The following DST variants were observed in gnomAD, a reference collection of about 807,000 sequenced individuals.
DST encodes dystonin.
In DST, 253 loss-of-function variants were observed where a neutral mutation model predicts 875.2. The ratio of observed to expected loss-of-function variants is 0.29; its 90% CI spans 0.26 to 0.32. The LOEUF is 0.32. Ranked by LOEUF, DST falls within the 10% of genes least tolerant of loss-of-function variation. The pLI is 1.00. For missense variants in DST, 8,287 were observed against 9,111.6 expected (o/e 0.91, Z 3.68); for synonymous variants, 3,124 against 3,197.1 (o/e 0.98, Z 0.77).
At chr6:56,535,554 T>C (rs1216608183) in intron 62 of DST, among the ~76,000 whole-genome samples, 3 of 152,238 alleles carry the variant, frequency 2.0e-5, no homozygotes, top group African/African-American at 7.2e-5. Context: ...GATTGTCTAA[T>C]ACGTTTTATG....
chr6:56,926,734 C>A (rs1362723399), intron 2 of DST, among the ~76,000 whole-genome samples: 1 of 150,038 alleles, frequency 6.7e-6, no homozygotes, highest in Non-Finnish European at 1.5e-5. Context: ...TGAAGGCTCT[C>A]TAAGGTTCCT....
rs201773751 is a variant in DST at position 56,647,645 on chromosome 6, T to TA, written c.1554+924dup. On this transcript the variant is annotated intron_variant, in intron 13 of 103. Transcript: ENST00000680361. ...AACCAAATATACAAATGAGACAACTTACTCTTTAATAAGTTTACATATTTG... is the reference window on the plus strand; with the variant it reads ...AACCAAATATACAAATGAGACAACTTAACTCTTTAATAAGTTTACATATTTG... 4.1e-3 allele frequency among the ~76,000 whole-genome samples: 623 copies of TA among 151,552 alleles called. 4 individuals are homozygous for TA. The highest frequency in any genetic ancestry group is 0.015 in the African/African-American group (598 of 40,908).
intron 4 of DST, among the ~76,000 whole-genome samples, chr6:56,796,388 G>T (rs146577988): frequency 5.9e-5 from 9 of 152,202 alleles, no homozygotes; most frequent in Admixed American, 5.9e-4. Context: ...AATGAATGTG[G>T]TAACTACATT....
chr6:56,461,099 G>A (rs2094306591), intron 102 of DST: 1 of 152,044 alleles, frequency 6.6e-6, no homozygotes, highest in African/African-American at 2.4e-5. Flanking sequence ...ACTATTTGGA[G>A]GAAATGCATT....
chr6:56,622,422 A>G (rs552721340), intron 36 of DST, among the ~76,000 whole-genome samples: 1 of 152,082 alleles, frequency 6.6e-6, no homozygotes, highest in East Asian at 1.9e-4. Flanking sequence ...TAGAAAAATT[A>G]GCCCGGCGTG....
intron 4 of DST, chr6:56,742,174 C>T: frequency 1.4e-6 from 1 of 714,378 alleles, no homozygotes; most frequent in Non-Finnish European, 2.2e-6. Flanking sequence ...GCCCGACAAT[C>T]AGCTGAACTA....
chr6:56,518,389 A>C (rs1043639939), intron 69 of DST, among the ~76,000 whole-genome samples: 1 of 152,166 alleles, frequency 6.6e-6, no homozygotes, highest in Admixed American at 6.6e-5. Flanking sequence ...TTTGTAAAAA[A>C]AATGTCTGGG....
chr6:56,469,861 C>T, intron 97 of DST, 22 bp downstream of exon 97: 6 of 1,594,510 alleles, frequency 3.8e-6, no homozygotes, highest in South Asian at 1.1e-5. Flanking sequence ...AAAGGAACTA[C>T]AACATTACTT....
intron 101 of DST, 121 bp from the exon 102 acceptor site, chr6:56,463,277 T>C (rs1204037402): frequency 7.8e-6 from 5 of 638,552 alleles, no homozygotes; most frequent in Non-Finnish European, 1.1e-5. Flanking sequence ...TTAAAATAAG[T>C]GAAAAGATCC....
At chr6:56,841,875 T>A (rs1465458304) in intron 4 of DST, among the ~76,000 whole-genome samples, 1 of 152,078 alleles carries the variant, frequency 6.6e-6, no homozygotes, top group African/African-American at 2.4e-5. Context: ...GTCACAAATG[T>A]GCTTTAGCCT....
chr6:56,515,724 C>T (rs1378378386), intron 71 of DST, 56 bp from the exon 72 acceptor site: 3 of 1,390,590 alleles, frequency 2.2e-6, no homozygotes, highest in Non-Finnish European at 2.0e-6. Flanking sequence ...CACACACACT[C>T]CAGAGTGCTC....
chr6:56,679,906 T>C (rs1451685503), intron 9 of DST, among the ~76,000 whole-genome samples: 5 of 152,196 alleles, frequency 3.3e-5, no homozygotes, highest in African/African-American at 1.2e-4. Context: ...CCCCCTTCTG[T>C]CCTGCTACCC....
At chr6:56,482,983 A>G (rs1297632264) in intron 88 of DST, 106 bp from the exon 89 acceptor site, 2 of 780,508 alleles carry the variant, frequency 2.6e-6, no homozygotes, top group African/African-American at 3.6e-5. Context: ...AAAGATATCT[A>G]AGACCTACAG....
chr6:56,848,089 G>A (rs1388224634), intron 4 of DST, among the ~76,000 whole-genome samples: 1 of 152,070 alleles, frequency 6.6e-6, no homozygotes, highest in Admixed American at 6.5e-5. Flanking sequence ...GCTAACTATA[G>A]ATATCCTACT....
At position 56,480,934 on chromosome 6, in the gene DST, A is replaced by G. The variant is rs923063099; in HGVS notation, c.21531+1116T>C. 3.3e-5 allele frequency among the ~76,000 whole-genome samples: 5 copies of G among 152,346 alleles called. No individual in the cohort carries two copies. The South Asian group carries it at 1.0e-3, about 32-fold the overall frequency. Reference sequence around the variant, plus strand: ...GATGGTAAGCCCACAGTAATATAATATAAACTACATTTTCAAAATATTGAA... The same window carrying G: ...GATGGTAAGCCCACAGTAATATAATGTAAACTACATTTTCAAAATATTGAA... On this transcript the variant is annotated intron_variant, in intron 90 of 103. Transcript: ENST00000680361.
At chr6:56,944,209 C>A (rs564020542) in intron 2 of DST, among the ~76,000 whole-genome samples, 2 of 152,286 alleles carry the variant, frequency 1.3e-5, no homozygotes. Flanking sequence ...GGGAAGTTAG[C>A]AAATTCATGA....
chr6:56,920,693 A>T (rs1036280953), intron 2 of DST, among the ~76,000 whole-genome samples: 1 of 151,124 alleles, frequency 6.6e-6, no homozygotes, highest in African/African-American at 2.4e-5. Context: ...GCAAGATGCC[A>T]TCAACAGCGG....
At chr6:56,950,532 T>C (rs1200269894) in intron 2 of DST, among the ~76,000 whole-genome samples, 2 of 152,166 alleles carry the variant, frequency 1.3e-5, no homozygotes, top group Non-Finnish European at 1.5e-5. Context: ...GCATAAAGCA[T>C]TATAAATCCT....
intron 3 of DST, among the ~76,000 whole-genome samples, chr6:56,892,486 C>T (rs1360923682): frequency 1.3e-5 from 2 of 152,044 alleles, no homozygotes; most frequent in African/African-American, 4.8e-5. Context: ...CCATGACTGG[C>T]TAATTTGTTT....
Sources: allele counts gnomAD v4.1 joint callset (sites outside exome capture counted in the v4.1 genomes callset), GRCh38; gene constraint gnomAD v4.1.1; transcripts MANE v1.5; gene names NCBI Gene and HGNC (gene_info 2026-07-23, HGNC 2026-07-21).